The following LRRC28 variants were observed in gnomAD, a reference collection of about 807,000 sequenced individuals.
The protein encoded by LRRC28 is leucine-rich repeat-containing protein 28.
In LRRC28, 39 loss-of-function variants were observed where a neutral mutation model predicts 45.7. That is an observed-to-expected ratio of 0.85 (90% CI 0.66 to 1.12). The LOEUF is 1.12. Among genes scored for constraint, LRRC28 ranks in the 50% most tolerant of loss-of-function variants. The pLI is 0.00. For missense variants in LRRC28, 435 were observed against 438.5 expected (o/e 0.99, Z 0.07); for synonymous variants, 206 against 178.8 (o/e 1.15, Z -1.22).
intron 9 of LRRC28, among the ~76,000 whole-genome samples, chr15:99,382,372 G>T (rs1324893690): frequency 2.0e-5 from 3 of 152,148 alleles, no homozygotes; most frequent in Non-Finnish European, 2.9e-5. Flanking sequence ...TTGCTCAGTT[G>T]GAAATGCAGA....
At chr15:99,284,860 C>T (rs2081914181) in intron 3 of LRRC28, 1 of 565,698 alleles carries the variant, frequency 1.8e-6, no homozygotes, top group Non-Finnish European at 3.4e-6. Context: ...TAGCCATCCC[C>T]ACTGCCACCA....
intron 1 of LRRC28, among the ~76,000 whole-genome samples, chr15:99,252,911 T>G (rs1224084439): frequency 6.6e-6 from 1 of 152,224 alleles, no homozygotes; most frequent in Non-Finnish European, 1.5e-5. Context: ...GATGCAGGTA[T>G]GCAAGCGTGA....
intron 5 of LRRC28, among the ~76,000 whole-genome samples, chr15:99,293,734 C>A (rs2082196017): frequency 6.7e-6 from 1 of 149,132 alleles, no homozygotes; most frequent in South Asian, 2.1e-4. Flanking sequence ...TGATCTCAAT[C>A]TCCTGGCCTC....
chr15:99,361,149 T>C, intron 7 of LRRC28, 187 bp from the exon 8 acceptor site: 1 of 584,120 alleles, frequency 1.7e-6, no homozygotes, highest in East Asian at 3.2e-5. Context: ...TTCCAACTGA[T>C]GAGTTTAGAT....
chr15:99,361,764 C>G (rs1414270050), intron 8 of LRRC28, among the ~76,000 whole-genome samples: 3 of 152,014 alleles, frequency 2.0e-5, no homozygotes, highest in Non-Finnish European at 4.4e-5. Context: ...ACTTTAGCAC[C>G]CCCTACAGGC....
rs1381453064 is a variant in LRRC28, at chr15:99,276,582, A to T, written c.175A>T (p.Asn59Tyr). The T allele has an allele frequency of 6.5e-7, 1 of 1,532,682 alleles. No homozygotes were observed. The highest frequency in any genetic ancestry group is 8.7e-7 in the Non-Finnish European group (1 of 1,148,126). 94.9% of individuals were successfully genotyped at this position (1,532,682 alleles called of 1,614,324 possible). Reference sequence around the variant, plus strand: ...CTGAGTTTTTAATTTTCAGCCAGAAAACCTTGCTCAGAAGCTTCCAAACCT... The same window carrying T: ...CTGAGTTTTTAATTTTCAGCCAGAATACCTTGCTCAGAAGCTTCCAAACCT... ...KRNSLTSLPE[N>Y]LAQKLPNLVE... Residue 59 changes from asparagine to tyrosine, a missense_variant, in exon 3 of 10, where the codon AAC (asparagine) becomes TAC (tyrosine). By Grantham distance (143) the Asn-to-Tyr change is moderately radical. Transcript: ENST00000301981.
At chr15:99,279,976 GTGTTGTCTT>G (rs2081737433) in intron 3 of LRRC28, among the ~76,000 whole-genome samples, 1 of 152,058 alleles carries the variant, frequency 6.6e-6, no homozygotes, top group Admixed American at 6.5e-5. Context: ...CCAGCATTTG[GTGTTGTCTT>G]TGTTATTTTA....
intron 5 of LRRC28, among the ~76,000 whole-genome samples, chr15:99,314,373 G>A (rs1955517617): frequency 6.6e-6 from 1 of 152,078 alleles, no homozygotes; most frequent in Non-Finnish European, 1.5e-5. Flanking sequence ...GGGAGGTTAA[G>A]GCTGCAGTGA....
At chr15:99,372,012 G>A (rs1410000621) in intron 9 of LRRC28, among the ~76,000 whole-genome samples, 1 of 152,140 alleles carries the variant, frequency 6.6e-6, no homozygotes, top group East Asian at 1.9e-4. Context: ...TAACATAAAT[G>A]CAACAAGCAG....
At chr15:99,283,615 CAAAAAAAA>C (rs59399248) in intron 3 of LRRC28, among the ~76,000 whole-genome samples, 1 of 89,860 alleles carries the variant, frequency 1.1e-5, no homozygotes, top group Non-Finnish European at 2.1e-5. Context: ...GACTCCTTCT[CAAAAAAAA>C]AAAAAAAAAA....
At chr15:99,368,055 G>T (rs1957388037) in intron 9 of LRRC28, among the ~76,000 whole-genome samples, 1 of 152,186 alleles carries the variant, frequency 6.6e-6, no homozygotes, top group Non-Finnish European at 1.5e-5. Flanking sequence ...GGAGCCATAT[G>T]TCAGGAAACA....
Position 99,287,275 on chromosome 15 carries a change from C to T in LRRC28, c.228C>T (p.Asn76=). ...NLVELYLHSN[N]IVVVPEAIGS... is the part of the protein sequence containing the mutation. Reference sequence around the variant, plus strand: ...TTCCTAGATACCTGCACTCAAATAACATAGTTGTGGTTCCGGAAGGTATGT... The same window carrying T: ...TTCCTAGATACCTGCACTCAAATAATATAGTTGTGGTTCCGGAAGGTATGT... The change falls in exon 4 of 10, where the codon AAC becomes AAT. Residue 76 remains asparagine (N), a synonymous_variant. Transcript: ENST00000301981. 1.3e-6 allele frequency: 2 copies of T among 1,568,094 alleles called. No homozygotes were observed. Among genetic ancestry groups the T allele is most frequent in the South Asian group, 1.2e-5 (1 of 81,148 alleles).
At chr15:99,384,867 A>G (rs1440975918) in intron 9 of LRRC28, 1 of 152,286 alleles carries the variant, frequency 6.6e-6, no homozygotes, top group African/African-American at 2.4e-5. Flanking sequence ...CTCATAACAC[A>G]TACTGTATTC....
intron 2 of LRRC28, among the ~76,000 whole-genome samples, chr15:99,271,567 G>A (rs12591894): frequency 0.091 from 13,790 of 151,854 alleles, 902 homozygotes; most frequent in East Asian, 0.32. Flanking sequence ...GTGAGCCACC[G>A]CATCCAGCCC....
intron 9 of LRRC28, among the ~76,000 whole-genome samples, chr15:99,367,526 G>T (rs1957372878): frequency 1.3e-5 from 2 of 152,050 alleles, no homozygotes; most frequent in Non-Finnish European, 2.9e-5. Flanking sequence ...GCACTCATGA[G>T]GGCAGAGCTC....
At chr15:99,261,382 A>G (rs2081193353) in intron 2 of LRRC28, among the ~76,000 whole-genome samples, 1 of 152,224 alleles carries the variant, frequency 6.6e-6, no homozygotes, top group Admixed American at 6.5e-5. Flanking sequence ...CCATAAAATC[A>G]GTGGCTTATA....
At chr15:99,357,559 G>A (rs1957081112) in intron 7 of LRRC28, among the ~76,000 whole-genome samples, 2 of 152,180 alleles carry the variant, frequency 1.3e-5, no homozygotes, top group African/African-American at 4.8e-5. Context: ...TCCCTTTGGG[G>A]TATGGGTTTT....
chr15:99,253,774 G>C (rs75282565), intron 1 of LRRC28, among the ~76,000 whole-genome samples: 1 of 152,358 alleles, frequency 6.6e-6, no homozygotes, highest in East Asian at 1.9e-4. Context: ...TGGTAATACT[G>C]TTGGCCAGGC....
intron 9 of LRRC28, among the ~76,000 whole-genome samples, chr15:99,371,160 G>T (rs1957474180): frequency 6.6e-6 from 1 of 152,058 alleles, no homozygotes; most frequent in South Asian, 2.1e-4. Flanking sequence ...AAATTTTCAG[G>T]TTACTTCCAA....
Sources: allele counts gnomAD v4.1 joint callset (sites outside exome capture counted in the v4.1 genomes callset), GRCh38; gene constraint gnomAD v4.1.1; transcripts MANE v1.5; gene names NCBI Gene and HGNC (gene_info 2026-07-23, HGNC 2026-07-21).